CTNND2: variants seen among roughly 807,000 people sequenced by gnomAD.
The protein encoded by CTNND2 is catenin delta-2.
Under a neutral mutation model 144.4 loss-of-function variants are expected in CTNND2, and 22 were observed. The observed-to-expected ratio is 0.15, with a 90% CI of 0.11 to 0.22. The LOEUF (loss-of-function observed/expected upper bound fraction) is 0.22, where lower values mean the gene tolerates loss of function less well. Among genes scored for constraint, CTNND2 ranks in the 10% least tolerant of loss-of-function variants. The probability of loss-of-function intolerance (pLI) is 1.00; values close to 1 mark genes in which losing one functional copy is unlikely to be tolerated. For synonymous variants in CTNND2, 751 were observed against 695.6 expected (o/e 1.08, Z -1.25); for missense variants, 1,353 against 1,618.8 (o/e 0.84, Z 2.82).
intron 3 of CTNND2, among the ~76,000 whole-genome samples, chr5:11,543,147 T>A (rs1438552550): frequency 6.6e-6 from 1 of 152,194 alleles, no homozygotes; most frequent in Non-Finnish European, 1.5e-5. Flanking sequence ...ACTTTAAAAG[T>A]TATTCAAGGG....
chr5:11,293,151 C>CAGATAAGCTCTGCT, intron 9 of CTNND2, among the ~76,000 whole-genome samples: 1 of 152,280 alleles, frequency 6.6e-6, no homozygotes, highest in Middle Eastern at 3.4e-3. Flanking sequence ...CAAGGTCACT[C>CAGATAAGCTCTGCT]AGATAAGCTC....
intron 2 of CTNND2, among the ~76,000 whole-genome samples, chr5:11,614,460 G>A (rs537073787): frequency 6.6e-6 from 1 of 152,266 alleles, no homozygotes; most frequent in Admixed American, 6.5e-5. Flanking sequence ...ACTGCTGATG[G>A]GAAAACAATT....
chr5:11,189,341 T>A (rs28428902), intron 11 of CTNND2, among the ~76,000 whole-genome samples: 14,776 of 152,132 alleles, frequency 0.097, 1,344 homozygotes, highest in African/African-American at 0.24. Context: ...TCCATATACA[T>A]TTGACTTTGA....
chr5:11,303,972 A>G (rs1277592266), intron 9 of CTNND2, among the ~76,000 whole-genome samples: 6 of 152,102 alleles, frequency 3.9e-5, no homozygotes, highest in South Asian at 2.1e-4. Flanking sequence ...TTTTATAAGG[A>G]AAAACCCCTT....
chr5:11,641,877 C>T (rs1426265672), intron 2 of CTNND2, among the ~76,000 whole-genome samples: 1 of 151,242 alleles, frequency 6.6e-6, no homozygotes, highest in Non-Finnish European at 1.5e-5. Context: ...TTGCCACACT[C>T]ACAAGGTTAT....
At chr5:11,420,101 A>G (rs1016229428) in intron 3 of CTNND2, among the ~76,000 whole-genome samples, 2 of 152,108 alleles carry the variant, frequency 1.3e-5, no homozygotes, top group Non-Finnish European at 2.9e-5. Context: ...GAGGCGGGCG[A>G]TCACAAGATC....
chr5:11,263,695 T>C (rs541162402), intron 9 of CTNND2, among the ~76,000 whole-genome samples: 3 of 152,368 alleles, frequency 2.0e-5, no homozygotes, highest in Non-Finnish European at 2.9e-5. Context: ...CTTGAATTCA[T>C]GCCTTTACAG....
At chr5:11,654,013 T>C (rs1782786813) in intron 2 of CTNND2, among the ~76,000 whole-genome samples, 1 of 152,106 alleles carries the variant, frequency 6.6e-6, no homozygotes, top group Non-Finnish European at 1.5e-5. Context: ...TTCCCTTTGT[T>C]TGGTCTTGAT....
At chr5:11,734,596 AT>A (rs1458226144) in intron 1 of CTNND2, among the ~76,000 whole-genome samples, 2 of 151,742 alleles carry the variant, frequency 1.3e-5, no homozygotes, top group Non-Finnish European at 2.9e-5. Flanking sequence ...GTAAACAGAA[AT>A]TATTTTCTTG....
chr5:11,534,914 G>C (rs1056253407), intron 3 of CTNND2, among the ~76,000 whole-genome samples: 2 of 151,970 alleles, frequency 1.3e-5, no homozygotes, highest in Non-Finnish European at 2.9e-5. Flanking sequence ...TCTTGGCCGG[G>C]AGCTGTGGCT....
rs568250757 is a variant in CTNND2 at position 11,720,627 on chromosome 5, C to G, written c.174+11509G>C. On this transcript the variant is annotated intron_variant, in intron 2 of 21. Transcript: ENST00000304623. ...TGTAACTTGGTTTCTATATTCTTCACAGGTGTGGGTATGCTGCCGCGACTC... is the reference window on the plus strand; with the variant it reads ...TGTAACTTGGTTTCTATATTCTTCAGAGGTGTGGGTATGCTGCCGCGACTC... Among the ~76,000 whole-genome samples the G allele has an allele frequency of 2.6e-5, 4 of 152,292 alleles. No individual in the cohort carries two copies. The South Asian group carries it at 8.3e-4, about 32-fold the overall frequency.
In CTNND2 at chr5:11,584,144, G is replaced by A. The variant is rs542391529; in HGVS notation, c.175-19088C>T. On this transcript the variant is annotated intron_variant, in intron 2 of 21. Transcript: ENST00000304623. ...ATGAAAATTACCAGAAATTGGTTCAGAAGAGCATGGGGGCTTGAAATGAAC... is the reference window on the plus strand; with the variant it reads ...ATGAAAATTACCAGAAATTGGTTCAAAAGAGCATGGGGGCTTGAAATGAAC... 6.3e-4 allele frequency among the ~76,000 whole-genome samples: 96 copies of A among 152,328 alleles called. 1 individual carries two copies. The highest frequency in any genetic ancestry group is 9.3e-4 in the Non-Finnish European group (63 of 68,036).
intron 3 of CTNND2, among the ~76,000 whole-genome samples, chr5:11,444,646 G>C (rs749526031): frequency 2.0e-5 from 3 of 152,176 alleles, no homozygotes; most frequent in Admixed American, 6.5e-5. Flanking sequence ...AGGTTGCAGT[G>C]AGCTGAGATT....
chr5:11,206,147 G>A (rs1024557903), intron 10 of CTNND2, among the ~76,000 whole-genome samples: 3 of 152,174 alleles, frequency 2.0e-5, no homozygotes, highest in Non-Finnish European at 4.4e-5. Context: ...ATGTTGATAT[G>A]TGATAGTGAA....
intron 1 of CTNND2, among the ~76,000 whole-genome samples, chr5:11,810,479 A>C (rs1271283865): frequency 2.4e-4 from 8 of 33,624 alleles, no homozygotes; most frequent in African/African-American, 3.1e-4. Context: ...TGTTGTGAAA[A>C]TTAAGTGTGC....
intron 2 of CTNND2, among the ~76,000 whole-genome samples, chr5:11,627,929 G>A (rs1643552131): frequency 1.3e-5 from 2 of 151,374 alleles, no homozygotes; most frequent in African/African-American, 2.4e-5. Context: ...TTCACAATAG[G>A]GTTCACGTTC....
chr5:11,016,029 T>C (rs1226179884), intron 18 of CTNND2, among the ~76,000 whole-genome samples: 1 of 152,236 alleles, frequency 6.6e-6, no homozygotes, highest in Non-Finnish European at 1.5e-5. Flanking sequence ...CCTTGAGCCA[T>C]ATGGGTTTAA....
At chr5:11,817,981 G>GTTTTTTTTT (rs35360011) in intron 1 of CTNND2, among the ~76,000 whole-genome samples, 7 of 31,872 alleles carry the variant, frequency 2.2e-4, no homozygotes, top group Admixed American at 7.3e-4. Flanking sequence ...ATTATGAGGT[G>GTTTTTTTTT]TTTTTTTTTT....
intron 2 of CTNND2, among the ~76,000 whole-genome samples, chr5:11,721,783 G>A (rs563936950): frequency 6.6e-6 from 1 of 152,212 alleles, no homozygotes; most frequent in Non-Finnish European, 1.5e-5. Flanking sequence ...TTCTAAGAAT[G>A]AGCATCTCAG....
Sources: allele counts gnomAD v4.1 joint callset (sites outside exome capture counted in the v4.1 genomes callset), GRCh38; gene constraint gnomAD v4.1.1; transcripts MANE v1.5; gene names NCBI Gene and HGNC (gene_info 2026-07-23, HGNC 2026-07-21).